The following TNRC6B variants were observed in gnomAD, a reference collection of about 807,000 sequenced individuals.
The protein encoded by TNRC6B is trinucleotide repeat containing adaptor 6B.
In TNRC6B, 52 loss-of-function variants were observed where a neutral mutation model predicts 203.6. That is an observed-to-expected ratio of 0.26 (90% confidence interval 0.20 to 0.32). The LOEUF is 0.32. Among genes scored for constraint, TNRC6B ranks in the 10% least tolerant of loss-of-function variants. The pLI is 1.00. For synonymous variants in TNRC6B, 838 were observed against 845.7 expected (o/e 0.99, Z 0.16); for missense variants, 1,923 against 2,286.2 (o/e 0.84, Z 3.24).
chr22:40,066,440 G>C (rs1235327436), intron 1 of TNRC6B, among the ~76,000 whole-genome samples: 1 of 152,092 alleles, frequency 6.6e-6, no homozygotes, highest in Non-Finnish European at 1.5e-5. Context: ...AATTTCCGTA[G>C]GGGGAATATC....
Position 40,265,653 on chromosome 22 carries a change from A to C in TNRC6B, c.1423A>C (p.Asn475His). 1 of 1,613,946 alleles carries C rather than the reference A, an allele frequency of 6.2e-7. No homozygotes were observed. Among genetic ancestry groups the C allele is most frequent in the Middle Eastern group, 1.6e-4 (1 of 6,062 alleles). Residue 475 changes from asparagine to histidine, a missense_variant, in exon 5 of 23, where the codon AAC becomes CAC. Asn to His is a moderately conservative substitution (Grantham distance 68). Transcript: ENST00000454349. ...TGGGTCAAAAAATGACTCTTGGGAC[A>C]ACAATAACAGGTCTACGGGTGGGTC... ...STGSKNDSWD[N>H]NNRSTGGSWN...
chr22:40,141,824 G>C (rs2146338633), intron 3 of TNRC6B, among the ~76,000 whole-genome samples: 1 of 152,118 alleles, frequency 6.6e-6, no homozygotes, highest in Non-Finnish European at 1.5e-5. Context: ...ACCCAGGTTG[G>C]AGTGCAGTGG....
At chr22:40,283,054 A>T (rs2070737853) in intron 11 of TNRC6B, among the ~76,000 whole-genome samples, 1 of 151,490 alleles carries the variant, frequency 6.6e-6, no homozygotes, top group South Asian at 2.1e-4. Context: ...ATTTATTTTG[A>T]GATGGAGTCT....
At chr22:40,178,383 T>C (rs2069091123) in intron 1 of TNRC6B, among the ~76,000 whole-genome samples, 1 of 152,214 alleles carries the variant, frequency 6.6e-6, no homozygotes, top group Non-Finnish European at 1.5e-5. Context: ...ATATGCAGAT[T>C]TTCATCATCG....
chr22:40,322,263 T>A (rs944523098), intron 22 of TNRC6B, among the ~76,000 whole-genome samples: 5 of 152,198 alleles, frequency 3.3e-5, no homozygotes, highest in African/African-American at 9.7e-5. Flanking sequence ...ATACAAAGAT[T>A]TCTGTCATAT....
At chr22:40,049,723 C>A (rs994870473) in intron 1 of TNRC6B, among the ~76,000 whole-genome samples, 1 of 152,138 alleles carries the variant, frequency 6.6e-6, no homozygotes, top group Non-Finnish European at 1.5e-5. Flanking sequence ...CCTGCCTTAG[C>A]CTCCCAAGTA....
At chr22:40,140,502 A>G (rs536932225) in intron 3 of TNRC6B, among the ~76,000 whole-genome samples, 1 of 152,342 alleles carries the variant, frequency 6.6e-6, no homozygotes, top group East Asian at 1.9e-4. Flanking sequence ...GAAGAACAAA[A>G]TAGAAGTCTC....
rs1170103593 is a variant in TNRC6B, at chr22:40,270,271, A to G, written c.2956A>G (p.Met986Val). Residue 986 changes from methionine to valine, a missense_variant, in exon 6 of 23, where the codon ATG becomes GTG. This residue lies in a region of TNRC6B where 599 missense variants were observed against 656.5 expected (regional missense o/e 0.91). Transcript: ENST00000454349. ...GNTPANAPNA[M>V]KPNSKSMQDG... The stretch of plus-strand genomic sequence containing the variant: ...CACGCCCGCCAACGCTCCCAATGCC[A>G]TGAAGCCTAGTAAGTGTGAAGCTTT... 1 of 1,445,366 alleles carries G rather than the reference A, an allele frequency of 6.9e-7. No individual in the cohort carries two copies. The highest frequency in any genetic ancestry group is 9.1e-7 in the Non-Finnish European group (1 of 1,094,752). The allele number at this position is 1,445,366 out of a possible 1,614,324, so 89.5% of individuals were successfully genotyped here.
chr22:40,319,660 G>A (rs1308254966), intron 21 of TNRC6B, among the ~76,000 whole-genome samples: 2 of 152,004 alleles, frequency 1.3e-5, no homozygotes, highest in Admixed American at 6.6e-5. Flanking sequence ...TCCTGACCTC[G>A]TGATCTGCCC....
At chr22:40,290,323 C>T (rs1033907145) in intron 12 of TNRC6B, among the ~76,000 whole-genome samples, 1 of 152,194 alleles carries the variant, frequency 6.6e-6, no homozygotes, top group African/African-American at 2.4e-5. Flanking sequence ...GGAAGTTCTG[C>T]ACAGCACTGT....
intron 2 of TNRC6B, 73 bp from the exon 3 acceptor site, chr22:40,251,106 A>G: frequency 7.5e-7 from 1 of 1,332,074 alleles, no homozygotes; most frequent in Non-Finnish European, 1.0e-6. Context: ...GAGTTATCAG[A>G]CTAAAGTAGT....
At chr22:40,204,774 T>TCTG (rs535812370) in intron 1 of TNRC6B, among the ~76,000 whole-genome samples, 2 of 152,234 alleles carry the variant, frequency 1.3e-5, no homozygotes, top group Non-Finnish European at 2.9e-5. Flanking sequence ...TTGTTCTGTC[T>TCTG]CTGCTGCTGC....
intron 11 of TNRC6B, among the ~76,000 whole-genome samples, chr22:40,284,390 A>T (rs1486739746): frequency 6.6e-6 from 1 of 152,162 alleles, no homozygotes; most frequent in Non-Finnish European, 1.5e-5. Context: ...CTTTAAAATT[A>T]CCTTAATCCA....
chr22:40,283,298 A>G (rs1274321750), intron 11 of TNRC6B, among the ~76,000 whole-genome samples: 1 of 152,138 alleles, frequency 6.6e-6, no homozygotes, highest in Non-Finnish European at 1.5e-5. Flanking sequence ...TTGGCCTCCC[A>G]AAGTGCTGGG....
At chr22:40,119,309 C>T (rs2068421119) in intron 2 of TNRC6B, among the ~76,000 whole-genome samples, 1 of 152,192 alleles carries the variant, frequency 6.6e-6, no homozygotes, top group East Asian at 1.9e-4. Flanking sequence ...GTCGGTCGGA[C>T]ACGGTGGCTC....
chr22:40,163,569 C>T (rs1253965322), intron 4 of TNRC6B, among the ~76,000 whole-genome samples: 3 of 150,078 alleles, frequency 2.0e-5, no homozygotes, highest in African/African-American at 7.3e-5. Flanking sequence ...TCAAGACCAG[C>T]CTGGCCAACA....
chr22:40,136,160 T>C (rs1401252691), intron 3 of TNRC6B, among the ~76,000 whole-genome samples: 1 of 152,222 alleles, frequency 6.6e-6, no homozygotes, highest in African/African-American at 2.4e-5. Context: ...GCTTAAACTC[T>C]GTAGCCATTT....
At chr22:40,207,406 C>CA (rs1253967138) in intron 1 of TNRC6B, among the ~76,000 whole-genome samples, 8,613 of 96,760 alleles carry the variant, frequency 0.089, 426 homozygotes, top group East Asian at 0.12. Flanking sequence ...GACCCTGCCT[C>CA]AAAAAAAAAA....
At chr22:40,193,732 G>C (rs2069301665) in intron 1 of TNRC6B, among the ~76,000 whole-genome samples, 1 of 152,120 alleles carries the variant, frequency 6.6e-6, no homozygotes, top group Admixed American at 6.5e-5. Flanking sequence ...TGGAGGGAAG[G>C]GTGTTTGAGG....
Sources: gnomAD v4.1 joint callset for allele counts (sites outside exome capture counted in the v4.1 genomes callset) on GRCh38, gnomAD v4.1.1 for gene constraint, gnomAD v4.1.1 regional missense constraint, MANE v1.5 for transcripts, NCBI Gene and HGNC (gene_info 2026-07-23, HGNC 2026-07-21) for gene names.